SKAP1: variants seen among roughly 807,000 people sequenced by gnomAD.
The protein encoded by SKAP1 is src kinase-associated phosphoprotein 1.
In SKAP1, 44 loss-of-function variants were observed where a neutral mutation model predicts 58.5. The observed-to-expected ratio is 0.75, with a 90% CI of 0.59 to 0.97. The LOEUF (loss-of-function observed/expected upper bound fraction) is 0.97. Ranked by LOEUF, SKAP1 falls within the 50% of genes least tolerant of loss-of-function variation. The pLI is 0.00. For missense variants in SKAP1, 390 were observed against 435.2 expected (o/e 0.90, Z 0.92); for synonymous variants, 127 against 149.7 (o/e 0.85, Z 1.11).
the SKAP1 span, among the ~76,000 whole-genome samples, chr17:48,440,619 G>A: frequency 6.6e-6 from 1 of 152,210 alleles, no homozygotes; most frequent in Non-Finnish European, 1.5e-5. Flanking sequence ...AAATGCCTGG[G>A]AAAGGGAAGG....
chr17:48,400,616 G>A (rs1350682344), intron 1 of SKAP1, among the ~76,000 whole-genome samples: 1 of 151,876 alleles, frequency 6.6e-6, no homozygotes, highest in African/African-American at 2.4e-5. Flanking sequence ...CAGGCATGGT[G>A]GTGCACATCT....
rs576511635 is a variant in SKAP1 at position 48,274,273 on chromosome 17, G to A, written c.280+71632C>T. 1.2e-4 allele frequency among the ~76,000 whole-genome samples: 19 copies of A among 152,162 alleles called. No individual in the cohort carries two copies. In the East Asian group the frequency reaches 2.1e-3, roughly 17 times the overall value. On this transcript the variant is annotated intron_variant, in intron 4 of 12. Transcript: ENST00000336915. ...TAGCTGGGCATGGTGGCACGGGCCCGTAGTCCCAGCTACTCCAGAGGCTGA... is the reference window on the plus strand; with the variant it reads ...TAGCTGGGCATGGTGGCACGGGCCCATAGTCCCAGCTACTCCAGAGGCTGA...
At chr17:48,297,375 A>G (rs1288414311) in intron 4 of SKAP1, among the ~76,000 whole-genome samples, 1 of 152,214 alleles carries the variant, frequency 6.6e-6, no homozygotes, top group Non-Finnish European at 1.5e-5. Flanking sequence ...TTATTTATAT[A>G]GTGCCTTTCA....
At chr17:48,329,698 A>G (rs1250915505) in intron 4 of SKAP1, among the ~76,000 whole-genome samples, 1 of 152,178 alleles carries the variant, frequency 6.6e-6, no homozygotes, top group East Asian at 1.9e-4. Context: ...CAAGAGAGAG[A>G]CTTTGTCTAA....
the SKAP1 span, among the ~76,000 whole-genome samples, chr17:48,442,289 A>G: frequency 3.9e-5 from 6 of 152,184 alleles, no homozygotes; most frequent in Non-Finnish European, 8.8e-5. Context: ...TTCTTAGACA[A>G]CACAGTTGGT....
intron 11 of SKAP1, among the ~76,000 whole-genome samples, chr17:48,144,370 T>C (rs1269249890): frequency 6.6e-6 from 1 of 152,182 alleles, no homozygotes; most frequent in African/African-American, 2.4e-5. Context: ...ACGAGGTATT[T>C]TAAAATAATT....
intron 4 of SKAP1, among the ~76,000 whole-genome samples, chr17:48,333,736 T>C (rs2066533309): frequency 6.6e-6 from 1 of 152,060 alleles, no homozygotes; most frequent in African/African-American, 2.4e-5. Flanking sequence ...GTAAAAAGTT[T>C]TCCCTGTTTA....
intron 4 of SKAP1, among the ~76,000 whole-genome samples, chr17:48,190,732 T>A (rs1041081705): frequency 1.3e-5 from 2 of 152,018 alleles, no homozygotes; most frequent in Non-Finnish European, 2.9e-5. Flanking sequence ...ATGCCTGTAA[T>A]CCCAGCACTT....
intron 4 of SKAP1, 74 bp downstream of exon 4, chr17:48,345,831 C>T: frequency 9.5e-7 from 1 of 1,049,898 alleles, no homozygotes. Context: ...ACAAAAATGA[C>T]AAAAGGCAAA....
chr17:48,292,108 T>G (rs2065904844), intron 4 of SKAP1, among the ~76,000 whole-genome samples: 1 of 108,446 alleles, frequency 9.2e-6, no homozygotes, highest in African/African-American at 3.7e-5. Context: ...AATACACTAA[T>G]GAAAATCATT....
chr17:48,420,474 T>C (rs2067781048), intron 1 of SKAP1, among the ~76,000 whole-genome samples: 1 of 152,098 alleles, frequency 6.6e-6, no homozygotes, highest in Non-Finnish European at 1.5e-5. Context: ...GAAAAAAATA[T>C]ATGTATTTTT....
intron 4 of SKAP1, among the ~76,000 whole-genome samples, chr17:48,229,898 G>C (rs939943586): frequency 3.3e-5 from 5 of 152,126 alleles, no homozygotes; most frequent in African/African-American, 1.2e-4. Context: ...TCCTCATCTT[G>C]TGCTTGGATA....
chr17:48,198,587 A>C (rs1180276663), intron 4 of SKAP1, among the ~76,000 whole-genome samples: 1 of 152,028 alleles, frequency 6.6e-6, no homozygotes. Flanking sequence ...TATGTATGCT[A>C]CAGCCTATAG....
chr17:48,250,279 T>TTG lies in SKAP1; in HGVS notation c.281-60780_281-60779insCA, dbSNP rs1567838156. ...ATTTTGCTGCCATAGACAGTTTTTT[T>TTG]TTTTTTTTTTTTTTTTTTTTGAGAT... On this transcript the variant is annotated intron_variant, in intron 4 of 12. Transcript: ENST00000336915. Among the ~76,000 whole-genome samples the TTG allele has an allele frequency of 7.3e-5, 5 of 68,372 alleles. 1 individual carries two copies. Among genetic ancestry groups the TTG allele is most frequent in the Non-Finnish European group, 3.1e-5 (1 of 32,476 alleles). The allele number at this position is 68,372 out of a possible 152,430, so 44.9% of individuals were successfully genotyped here.
At chr17:48,255,520 G>C (rs1684501107) in intron 4 of SKAP1, among the ~76,000 whole-genome samples, 1 of 151,564 alleles carries the variant, frequency 6.6e-6, no homozygotes, top group Admixed American at 6.6e-5. Context: ...TAAAAATCTT[G>C]ACCTTTCTCT....
In SKAP1 at chr17:48,162,490, G is replaced by T. The variant is rs746994680; in HGVS notation, c.957C>A (p.Asp319Glu). 13 of 1,613,718 alleles carry T rather than the reference G, an allele frequency of 8.1e-6. No homozygotes were observed. In the Admixed American group the frequency reaches 1.7e-4, roughly 21 times the overall value. Residue 319 changes from aspartate (D) to glutamate (E), a missense_variant, in exon 11 of 13, where the codon GAC becomes GAA. Physicochemically the swap from Asp to Glu is conservative, Grantham distance 45 (BLOSUM62 2). Transcript: ENST00000336915. ...TTACCTTGCTCAGAATACGGATGAGGTCACCCCGTTGGAAGGACAGTTCAT... is the reference window on the plus strand; with the variant it reads ...TTACCTTGCTCAGAATACGGATGAGTTCACCCCGTTGGAAGGACAGTTCAT... Reference protein sequence around the residue: ...QPDELSFQRGDLIRILSKEYN... With the variant: ...QPDELSFQRGELIRILSKEYN...
At chr17:48,272,889 C>T (rs1327353723) in intron 4 of SKAP1, among the ~76,000 whole-genome samples, 2 of 152,186 alleles carry the variant, frequency 1.3e-5, no homozygotes, top group Admixed American at 1.3e-4. Flanking sequence ...ATTTCAATGT[C>T]AATGTCTTAA....
At chr17:48,218,175 T>C (rs2064962691) in intron 4 of SKAP1, among the ~76,000 whole-genome samples, 1 of 152,190 alleles carries the variant, frequency 6.6e-6, no homozygotes, top group African/African-American at 2.4e-5. Flanking sequence ...TCACAAATCA[T>C]TTGCTAACAG....
intron 4 of SKAP1, among the ~76,000 whole-genome samples, chr17:48,345,195 C>A (rs113997622): frequency 1.5e-3 from 235 of 152,330 alleles, no homozygotes; most frequent in African/African-American, 5.6e-3. Flanking sequence ...CAGAAACTGG[C>A]AGCCATCAGG....
Sources: gnomAD v4.1 joint callset for allele counts (sites outside exome capture counted in the v4.1 genomes callset) on GRCh38, gnomAD v4.1.1 for gene constraint, MANE v1.5 for transcripts, NCBI Gene and HGNC (gene_info 2026-07-23, HGNC 2026-07-21) for gene names.